The following GRM1 variants were observed in gnomAD, a reference collection of about 807,000 sequenced individuals.
GRM1 encodes the protein metabotropic glutamate receptor 1.
A neutral mutation model predicts 90.9 loss-of-function variants in GRM1; 33 were observed. That is an observed-to-expected ratio of 0.36 (90% confidence interval 0.28 to 0.49). The LOEUF is 0.49. Among genes scored for constraint, GRM1 ranks in the 20% least tolerant of loss-of-function variants. GRM1 has a pLI of 0.99. For missense variants in GRM1, 1,190 were observed against 1,534.3 expected, an observed-to-expected ratio of 0.78 and a Z score of 3.75; for synonymous variants, 700 against 613.2, an observed-to-expected ratio of 1.14 and a Z score of -2.09.
intron 7 of GRM1, among the ~76,000 whole-genome samples, chr6:146,427,146 A>T (rs940580741): frequency 6.6e-6 from 1 of 152,112 alleles, no homozygotes. Context: ...GGTGCCTCCC[A>T]CACCCTGGGG....
At chr6:146,414,645 G>A (rs572108221) in intron 7 of GRM1, among the ~76,000 whole-genome samples, 7 of 152,066 alleles carry the variant, frequency 4.6e-5, no homozygotes, top group South Asian at 2.1e-4. Context: ...CTTGTGATCC[G>A]CCCGCCTCGG....
chr6:146,302,180 CA>C (rs2114918569), intron 2 of GRM1, among the ~76,000 whole-genome samples: 1 of 151,716 alleles, frequency 6.6e-6, no homozygotes, highest in East Asian at 1.9e-4. Context: ...CCCTTCTCCT[CA>C]CCTGACTAAG....
intron 1 of GRM1, among the ~76,000 whole-genome samples, chr6:146,077,167 A>C (rs1776214624): frequency 6.6e-6 from 1 of 152,222 alleles, no homozygotes; most frequent in Non-Finnish European, 1.5e-5. Flanking sequence ...ATACATATTC[A>C]AAACAAAAAT....
intron 1 of GRM1, among the ~76,000 whole-genome samples, chr6:146,087,383 C>T (rs909588607): frequency 6.6e-6 from 1 of 152,096 alleles, no homozygotes; most frequent in Non-Finnish European, 1.5e-5. Flanking sequence ...AGGAAACTAA[C>T]ATTGGCGTTG....
chr6:146,173,485 C>T (rs903594347), intron 2 of GRM1, among the ~76,000 whole-genome samples: 6 of 151,352 alleles, frequency 4.0e-5, no homozygotes, highest in African/African-American at 1.2e-4. Context: ...CCAATCCTAT[C>T]ATATCCCATC....
At chr6:146,202,735 A>G (rs965994743) in intron 2 of GRM1, among the ~76,000 whole-genome samples, 2 of 152,100 alleles carry the variant, frequency 1.3e-5, no homozygotes, top group Non-Finnish European at 2.9e-5. Context: ...ACTTTCCACT[A>G]TTGTTTCTGA....
chr6:146,140,140 T>TCTTTCTTC (rs1562488239), intron 1 of GRM1, among the ~76,000 whole-genome samples: 1 of 141,210 alleles, frequency 7.1e-6, no homozygotes, highest in African/African-American at 2.7e-5. Context: ...TTTCTTTCTT[T>TCTTTCTTC]CCTTCCTTCC....
At chr6:146,429,231 C>G (rs1259373504) in intron 7 of GRM1, among the ~76,000 whole-genome samples, 2 of 152,172 alleles carry the variant, frequency 1.3e-5, no homozygotes, top group Non-Finnish European at 2.9e-5. Flanking sequence ...GTCATATCAA[C>G]AGAAACTACC....
chr6:146,258,459 G>T (rs1450049042), intron 2 of GRM1, among the ~76,000 whole-genome samples: 1 of 136,708 alleles, frequency 7.3e-6, no homozygotes, highest in Non-Finnish European at 1.5e-5. Flanking sequence ...TTCACTTTCT[G>T]CCTCTTTTTG....
intron 2 of GRM1, among the ~76,000 whole-genome samples, chr6:146,174,072 T>G (rs1009911044): frequency 3.9e-5 from 6 of 152,136 alleles, no homozygotes; most frequent in African/African-American, 1.4e-4. Context: ...CTCTAAGAGA[T>G]AAATTTTATC....
intron 1 of GRM1, among the ~76,000 whole-genome samples, chr6:146,135,216 C>G (rs992480316): frequency 2.0e-5 from 3 of 152,190 alleles, no homozygotes; most frequent in African/African-American, 7.2e-5. Flanking sequence ...GATTAGCTGA[C>G]TTACCCAAAG....
At chr6:146,145,328 G>T (rs575979733) in intron 1 of GRM1, among the ~76,000 whole-genome samples, 2 of 152,222 alleles carry the variant, frequency 1.3e-5, no homozygotes, top group Admixed American at 6.5e-5. Context: ...GACCCCAAAG[G>T]TATTTCAGAT....
At chr6:146,416,897 G>A (rs1201998493) in intron 7 of GRM1, among the ~76,000 whole-genome samples, 1 of 152,128 alleles carries the variant, frequency 6.6e-6, no homozygotes, top group Admixed American at 6.5e-5. Context: ...TTTGTACCCT[G>A]TGCCTTGTGT....
At chr6:146,207,596 G>T (rs990596392) in intron 2 of GRM1, among the ~76,000 whole-genome samples, 2 of 152,120 alleles carry the variant, frequency 1.3e-5, no homozygotes, top group South Asian at 2.1e-4. Context: ...CTATTTTTCT[G>T]CAGAGAGGAG....
Position 146,436,141 on chromosome 6 carries a change from A to AT in GRM1, c.*1351dup, listed in dbSNP as rs1380443314. 3 of 152,412 alleles carry AT rather than the reference A, an allele frequency of 2.0e-5. No individual in the cohort carries two copies. The highest frequency in any genetic ancestry group is 4.8e-5 in the African/African-American group (2 of 41,432). 9.4% of individuals were successfully genotyped at this position (152,412 alleles called of 1,614,324 possible). On this transcript the variant is annotated 3_prime_UTR_variant, in exon 8 of 8. Coordinates refer to ENST00000282753, the MANE Select transcript of GRM1 (RefSeq NM_001278064.2). ...ATTGTCTTTTGAATATACTATATAT[A>AT]TTTTTTATGTTCCAATAATGTTTTG...
At chr6:146,148,357 T>C (rs747531146) in intron 1 of GRM1, among the ~76,000 whole-genome samples, 52 of 152,260 alleles carry the variant, frequency 3.4e-4, no homozygotes, top group Non-Finnish European at 6.0e-4. Flanking sequence ...TTTATACTTG[T>C]TCTTTAAGCT....
At position 146,434,898 on chromosome 6, in the gene GRM1, C is replaced by T. The variant is rs1778547088; in HGVS notation, c.*102C>T. The T allele has an allele frequency of 3.0e-6, 3 of 1,011,412 alleles. No individual in the cohort carries two copies. The highest frequency in any genetic ancestry group is 2.5e-5 in the East Asian group (1 of 40,506). The allele number at this position is 1,011,412 out of a possible 1,614,324, so 62.7% of individuals were successfully genotyped here. A position where few individuals can be genotyped will look rare whatever the true frequency, so the allele number is the denominator to read the frequency against. On this transcript the variant is annotated 3_prime_UTR_variant, in exon 8 of 8. Coordinates refer to ENST00000282753, the MANE Select transcript of GRM1 (RefSeq NM_001278064.2). ...GGAAAAGCCTGGGAGTGGGGGGCCTCGTCGGGAGGACAGGAGACCGCTGCT... is the reference window on the plus strand; with the variant it reads ...GGAAAAGCCTGGGAGTGGGGGGCCTTGTCGGGAGGACAGGAGACCGCTGCT...
rs190314528 is a variant in GRM1 at position 146,062,343 on chromosome 6, G to T, written c.700+32126G>T. Among the ~76,000 whole-genome samples the T allele has an allele frequency of 1.1e-3, 138 of 128,722 alleles. 1 individual carries two copies. The highest frequency in any genetic ancestry group is 3.2e-3 in the African/African-American group (122 of 38,380). The allele number at this position is 128,722 out of a possible 152,430, so 84.4% of individuals were successfully genotyped here. ...GAACATCACACACTAGGGCCTGTTG[G>T]GGGGTAGGGGGCTAGGGGAGGGATA... On this transcript the variant is annotated intron_variant, in intron 1 of 7. Coordinates refer to ENST00000282753, the MANE Select transcript of GRM1 (RefSeq NM_001278064.2).
chr6:146,208,038 T>C (rs888142290), intron 2 of GRM1, among the ~76,000 whole-genome samples: 1 of 152,180 alleles, frequency 6.6e-6, no homozygotes, highest in African/African-American at 2.4e-5. Context: ...TCAGGCTGCC[T>C]GTCATCTTTC....
Sources: allele counts gnomAD v4.1 joint callset (sites outside exome capture counted in the v4.1 genomes callset), GRCh38; gene constraint gnomAD v4.1.1; transcripts MANE v1.5; gene names NCBI Gene and HGNC (gene_info 2026-07-23, HGNC 2026-07-21).